GRB10: variants seen among roughly 807,000 people sequenced by gnomAD.
The protein encoded by GRB10 is growth factor receptor bound protein 10.
GRB10 carries 20 observed loss-of-function variants against 80.9 expected under a neutral mutation model. The observed-to-expected ratio is 0.25, with a 90% CI of 0.17 to 0.36. The LOEUF is 0.36. Ranked by LOEUF, GRB10 falls within the 10% of genes least tolerant of loss-of-function variation. The probability of loss-of-function intolerance (pLI) is 1.00; values close to 1 mark genes in which losing one functional copy is unlikely to be tolerated. For missense variants in GRB10, 548 were observed against 747.7 expected (o/e 0.73, Z 3.12); for synonymous variants, 291 against 291.5 (o/e 1.00, Z 0.02).
Position 50,690,605 on chromosome 7 carries a change from C to CCCTGGG in GRB10, c.139+13210_139+13215dup, listed in dbSNP as rs539440078. On this transcript the variant is annotated intron_variant, in intron 5 of 18. Transcript: ENST00000401949. Reference sequence around the variant, plus strand: ...ATGACTCACTGCTCACCACTGCATCCCCTGGGCCTGGGCCCCAGGCCTCCT... The same window carrying CCCTGGG: ...ATGACTCACTGCTCACCACTGCATCCCCTGGGCCTGGGCCTGGGCCCCAGGCCTCCT... 1.3e-3 allele frequency among the ~76,000 whole-genome samples: 200 copies of CCCTGGG among 152,292 alleles called. 4 individuals carry two copies. Among genetic ancestry groups the CCCTGGG allele is most frequent in the Admixed American group, 1.3e-3 (20 of 15,304 alleles).
chr7:50,726,677 T>C (rs2068707209), intron 4 of GRB10, among the ~76,000 whole-genome samples: 1 of 152,200 alleles, frequency 6.6e-6, no homozygotes, highest in Non-Finnish European at 1.5e-5. Flanking sequence ...TCAGCACACA[T>C]GACACATTTA....
At chr7:50,674,046 G>T (rs534789087) in intron 6 of GRB10, among the ~76,000 whole-genome samples, 2 of 152,186 alleles carry the variant, frequency 1.3e-5, no homozygotes, top group Non-Finnish European at 2.9e-5. Context: ...CAAGCTCCAG[G>T]GGGTGCTGTA....
chr7:50,598,891 AG>A lies in GRB10; in HGVS notation c.1545-3362del, dbSNP rs2047097632. On this transcript the variant is annotated intron_variant, in intron 17 of 18. Coordinates refer to ENST00000401949, the MANE Select transcript of GRB10 (RefSeq NM_001350814.2). Reference sequence around the variant, plus strand: ...GAGGGACTGCACAGGCAGATGACACAGGGATCGATGCCTGGCACAGCAGGAA... The same window carrying A: ...GAGGGACTGCACAGGCAGATGACACAGGATCGATGCCTGGCACAGCAGGAA... Among the ~76,000 whole-genome samples, 6 of 149,512 alleles carry A rather than the reference AG, an allele frequency of 4.0e-5. No homozygotes were observed. The South Asian group carries it at 1.3e-3, about 32-fold the overall frequency.
chr7:50,673,540 C>CGCA (rs1406263303), intron 6 of GRB10, among the ~76,000 whole-genome samples: 1 of 152,142 alleles, frequency 6.6e-6, no homozygotes, highest in African/African-American at 2.4e-5. Flanking sequence ...GCTGGCAAAA[C>CGCA]GCAGCTGCTC....
chr7:50,770,527 C>G (rs981037183), intron 2 of GRB10, among the ~76,000 whole-genome samples: 1 of 152,162 alleles, frequency 6.6e-6, no homozygotes, highest in Non-Finnish European at 1.5e-5. Flanking sequence ...TATGAGTGAC[C>G]TCACCCCTAT....
chr7:50,596,955 G>A (rs1299235294), intron 17 of GRB10, among the ~76,000 whole-genome samples: 1 of 152,128 alleles, frequency 6.6e-6, no homozygotes, highest in African/African-American at 2.4e-5. Context: ...AAGATCCAAT[G>A]AAAGCTACAA....
intron 5 of GRB10, among the ~76,000 whole-genome samples, chr7:50,701,039 T>A (rs2064137204): frequency 6.6e-6 from 1 of 152,238 alleles, no homozygotes; most frequent in African/African-American, 2.4e-5. Flanking sequence ...ATATCTTTTT[T>A]CTCTTCACAT....
At chr7:50,604,196 A>G (rs1377576253) in intron 16 of GRB10, 111 bp from the exon 17 acceptor site, 9 of 1,293,174 alleles carry the variant, frequency 7.0e-6, no homozygotes, top group Non-Finnish European at 1.0e-5. Flanking sequence ...CCCCAGCTAC[A>G]GCTTGTGTGG....
At chr7:50,717,770 C>T (rs1422562093) in intron 4 of GRB10, among the ~76,000 whole-genome samples, 1 of 152,206 alleles carries the variant, frequency 6.6e-6, no homozygotes, top group African/African-American at 2.4e-5. Flanking sequence ...ACCACTTAGC[C>T]AAGGCCTCAT....
chr7:50,709,057 A>T (rs1422982112), intron 4 of GRB10, among the ~76,000 whole-genome samples: 6 of 152,178 alleles, frequency 3.9e-5, no homozygotes, highest in Admixed American at 3.9e-4. Flanking sequence ...AGGGCAGCCA[A>T]GCTCCTTAAT....
chr7:50,648,359 T>A (rs2237451), intron 7 of GRB10, among the ~76,000 whole-genome samples: 137,531 of 152,194 alleles, frequency 0.9, 62,346 homozygotes, highest in African/African-American at 0.97. Flanking sequence ...TGGGAACAAG[T>A]GGAATTGAAT....
chr7:50,697,517 T>C (rs1375117299), intron 5 of GRB10, among the ~76,000 whole-genome samples: 9 of 152,196 alleles, frequency 5.9e-5, no homozygotes, highest in Non-Finnish European at 1.2e-4. Flanking sequence ...CTTTGCCAGA[T>C]AGCAGTAACA....
chr7:50,780,162 T>C (rs2153713158), intron 2 of GRB10, among the ~76,000 whole-genome samples: 1 of 152,248 alleles, frequency 6.6e-6, no homozygotes, highest in East Asian at 1.9e-4. Context: ...GAATAAACCG[T>C]CATGGAAAGG....
intron 11 of GRB10, among the ~76,000 whole-genome samples, chr7:50,615,586 G>T (rs963592562): frequency 1.1e-4 from 17 of 152,206 alleles, no homozygotes; most frequent in African/African-American, 4.1e-4. Flanking sequence ...CACCTCTGCT[G>T]GCCAGAGCAA....
At chr7:50,640,667 CTT>C (rs1369263770) in intron 7 of GRB10, among the ~76,000 whole-genome samples, 3 of 152,362 alleles carry the variant, frequency 2.0e-5, no homozygotes, top group Middle Eastern at 3.4e-3. Flanking sequence ...CATTCTCTCT[CTT>C]CTCTCTGTAG....
At chr7:50,723,152 C>A (rs1035609946) in intron 4 of GRB10, among the ~76,000 whole-genome samples, 1 of 151,966 alleles carries the variant, frequency 6.6e-6, no homozygotes, top group African/African-American at 2.4e-5. Flanking sequence ...TTTCACAATA[C>A]CAAGTAGCTT....
At chr7:50,708,066 G>A (rs1187851226) in intron 4 of GRB10, among the ~76,000 whole-genome samples, 2 of 152,116 alleles carry the variant, frequency 1.3e-5, no homozygotes, top group Non-Finnish European at 2.9e-5. Flanking sequence ...TAATTTTTTG[G>A]TATAAGTATG....
intron 3 of GRB10, among the ~76,000 whole-genome samples, chr7:50,753,391 G>A (rs1032509258): frequency 2.0e-5 from 3 of 152,160 alleles, no homozygotes; most frequent in Admixed American, 6.5e-5. Context: ...CATGGTGCCC[G>A]GCACCTGGAC....
At chr7:50,766,955 T>G (rs1477658376) in intron 2 of GRB10, among the ~76,000 whole-genome samples, 1 of 152,218 alleles carries the variant, frequency 6.6e-6, no homozygotes, top group Non-Finnish European at 1.5e-5. Context: ...AGAGGGTTCC[T>G]ACAAACAGGA....
Sources: gnomAD v4.1 joint callset for allele counts (sites outside exome capture counted in the v4.1 genomes callset) on GRCh38, gnomAD v4.1.1 for gene constraint, MANE v1.5 for transcripts, NCBI Gene and HGNC (gene_info 2026-07-23, HGNC 2026-07-21) for gene names.